The following CNTN5 variants were observed in gnomAD, a reference collection of about 807,000 sequenced individuals.
The protein encoded by CNTN5 is contactin-5.
CNTN5 carries 77 observed loss-of-function variants against 129.1 expected under a neutral mutation model. That is an observed-to-expected ratio of 0.60 (90% CI 0.50 to 0.72). CNTN5 has a LOEUF of 0.72. Ranked by LOEUF, CNTN5 falls within the 30% of genes least tolerant of loss-of-function variation. CNTN5 has a pLI of 0.00. For synonymous variants in CNTN5, 509 were observed against 465.6 expected (o/e 1.09, Z -1.20); for missense variants, 1,478 against 1,328.8 (o/e 1.11, Z -1.75).
intron 8 of CNTN5, among the ~76,000 whole-genome samples, chr11:99,984,685 T>C (rs1938561449): frequency 6.6e-6 from 1 of 152,160 alleles, no homozygotes; most frequent in African/African-American, 2.4e-5. Context: ...CAAGGACCAA[T>C]AGCATGTATA....
chr11:100,124,199 A>C (rs1219647624), intron 13 of CNTN5, among the ~76,000 whole-genome samples: 1 of 152,098 alleles, frequency 6.6e-6, no homozygotes, highest in African/African-American at 2.4e-5. Context: ...TTAAAGTCTC[A>C]TGAAGTAAGC....
chr11:99,792,076 G>C (rs922590805), intron 3 of CNTN5, among the ~76,000 whole-genome samples: 1 of 152,000 alleles, frequency 6.6e-6, no homozygotes, highest in African/African-American at 2.4e-5. Flanking sequence ...TTCCTGTCAG[G>C]ATGCGTTTTT....
At chr11:100,142,315 CGTCT>C (rs1157304404) in intron 13 of CNTN5, among the ~76,000 whole-genome samples, 3 of 152,092 alleles carry the variant, frequency 2.0e-5, no homozygotes, top group Non-Finnish European at 2.9e-5. Context: ...CTATGTTATC[CGTCT>C]GTCTGTCTGT....
At chr11:99,128,109 A>T (rs1858737250) in intron 1 of CNTN5, among the ~76,000 whole-genome samples, 1 of 152,314 alleles carries the variant, frequency 6.6e-6, no homozygotes, top group East Asian at 1.9e-4. Context: ...TGTCATGGAA[A>T]AGGGACTGAA....
At chr11:99,030,780 C>CTTT (rs71305325) in intron 1 of CNTN5, among the ~76,000 whole-genome samples, 3,742 of 120,174 alleles carry the variant, frequency 0.031, 315 homozygotes, top group African/African-American at 0.11. Flanking sequence ...TGCTAACTCT[C>CTTT]TTTTTTTTTT....
intron 2 of CNTN5, among the ~76,000 whole-genome samples, chr11:99,442,748 T>A (rs1170234225): frequency 1.3e-5 from 2 of 152,142 alleles, no homozygotes; most frequent in African/African-American, 4.8e-5. Context: ...TAAACCTCTA[T>A]GGTAAAAGAA....
chr11:99,974,995 G>A (rs1200157950), intron 8 of CNTN5, among the ~76,000 whole-genome samples: 1 of 152,178 alleles, frequency 6.6e-6, no homozygotes, highest in Non-Finnish European at 1.5e-5. Context: ...CAAATAACTT[G>A]TAGTACAAAT....
intron 1 of CNTN5, among the ~76,000 whole-genome samples, chr11:99,322,417 C>CT (rs1348663584): frequency 6.6e-6 from 1 of 152,022 alleles, no homozygotes; most frequent in Non-Finnish European, 1.5e-5. Context: ...ATCAGGAAAA[C>CT]TTTTTTAAAA....
At chr11:99,389,941 T>C (rs1941168046) in intron 2 of CNTN5, among the ~76,000 whole-genome samples, 1 of 152,208 alleles carries the variant, frequency 6.6e-6, no homozygotes, top group African/African-American at 2.4e-5. Flanking sequence ...AAATTTAATA[T>C]TTAAGCTAGT....
At chr11:99,184,101 T>C (rs1858221122) in intron 1 of CNTN5, among the ~76,000 whole-genome samples, 1 of 152,130 alleles carries the variant, frequency 6.6e-6, no homozygotes, top group African/African-American at 2.4e-5. Flanking sequence ...GTTTTCCTAA[T>C]CTCAATTTTT....
chr11:100,140,344 TG>T (rs1299362544), intron 13 of CNTN5, among the ~76,000 whole-genome samples: 1 of 151,984 alleles, frequency 6.6e-6, no homozygotes, highest in Non-Finnish European at 1.5e-5. Flanking sequence ...TTTTACCAAG[TG>T]AGTATGATAA....
chr11:99,915,054 T>A (rs987645684), intron 6 of CNTN5, among the ~76,000 whole-genome samples: 1 of 152,108 alleles, frequency 6.6e-6, no homozygotes, highest in African/African-American at 2.4e-5. Context: ...AAATCTATTT[T>A]ACAATTTGTG....
chr11:99,995,471 A>C (rs554515208), intron 8 of CNTN5, among the ~76,000 whole-genome samples: 1 of 152,336 alleles, frequency 6.6e-6, no homozygotes, highest in Admixed American at 6.5e-5. Context: ...GATAAATATT[A>C]AACACATAAA....
Position 99,060,615 on chromosome 11 carries a change from A to G in CNTN5, c.-210+39345A>G, listed in dbSNP as rs1275950486. Among the ~76,000 whole-genome samples the G allele has an allele frequency of 2.0e-5, 3 of 151,484 alleles. No individual in the cohort carries two copies. In the South Asian group the frequency reaches 6.2e-4, roughly 31 times the overall value. On this transcript the variant is annotated intron_variant, in intron 1 of 24. Coordinates refer to ENST00000524871, the MANE Select transcript of CNTN5 (RefSeq NM_014361.4). ...AGCTTAAAATATGGATTTTTTTTTC[A>G]TTATAGAGAAGCTATGCAAGAAATT...
intron 3 of CNTN5, among the ~76,000 whole-genome samples, chr11:99,630,508 A>G (rs986503218): frequency 1.3e-5 from 2 of 151,418 alleles, no homozygotes; most frequent in Non-Finnish European, 2.9e-5. Context: ...CCGCACCCCC[A>G]TAGCAACTAT....
chr11:100,271,183 C>T lies in CNTN5; in HGVS notation c.2256C>T (p.Asn752=). The T allele has an allele frequency of 6.2e-7, 1 of 1,613,264 alleles. No individual in the cohort carries two copies. The highest frequency in any genetic ancestry group is 8.5e-7 in the Non-Finnish European group (1 of 1,179,620). Residue 752 remains asparagine, a synonymous_variant, in exon 18 of 25, where the codon AAC becomes AAT. Transcript: ENST00000524871. ...VEYEFRVVAT[N]PIGTGDPSTP... ...ATGAATTTCGAGTGGTAGCCACCAA[C>T]CCTATTGGGACAGGAGATCCAAGCA...
rs554186175 is a variant in CNTN5, at chr11:99,960,091, T to G, written c.877+3082T>G. The stretch of plus-strand genomic sequence containing the variant: ...TTGTTGTTGTTCCATAAGGTTCTCA[T>G]AAAATGCTAGAAAATATCTGCACGT... On this transcript the variant is annotated intron_variant, in intron 8 of 24. Coordinates refer to ENST00000524871, the MANE Select transcript of CNTN5 (RefSeq NM_014361.4). 1.3e-3 allele frequency among the ~76,000 whole-genome samples: 192 copies of G among 152,356 alleles called. 1 individual carries two copies. The highest frequency in any genetic ancestry group is 2.0e-3 in the Non-Finnish European group (138 of 68,036).
chr11:100,000,392 C>T (rs958232921), intron 8 of CNTN5, among the ~76,000 whole-genome samples: 2 of 152,200 alleles, frequency 1.3e-5, no homozygotes, highest in Non-Finnish European at 2.9e-5. Flanking sequence ...AATCTTAAAG[C>T]ACCAAAATAG....
At position 99,875,578 on chromosome 11, in the gene CNTN5, T is replaced by C. The variant is rs147976089; in HGVS notation, c.577+30316T>C. Among the ~76,000 whole-genome samples the C allele has an allele frequency of 8.0e-3, 1,224 of 152,230 alleles. 18 individuals carry two copies. The highest frequency in any genetic ancestry group is 0.028 in the African/African-American group (1,155 of 41,536). On this transcript the variant is annotated intron_variant, in intron 6 of 24. Coordinates refer to ENST00000524871, the MANE Select transcript of CNTN5 (RefSeq NM_014361.4). Reference sequence around the variant, plus strand: ...GTAGTTCTGTGTGCACTGTATTCTTTTATATAGCTCCTGGAAAACTTCAGC... The same window carrying C: ...GTAGTTCTGTGTGCACTGTATTCTTCTATATAGCTCCTGGAAAACTTCAGC...
Sources: gnomAD v4.1 joint callset for allele counts (sites outside exome capture counted in the v4.1 genomes callset) on GRCh38, gnomAD v4.1.1 for gene constraint, MANE v1.5 for transcripts, NCBI Gene and HGNC (gene_info 2026-07-23, HGNC 2026-07-21) for gene names.